Variants in GALNT10 observed in about 807,000 individuals in gnomAD.
GALNT10 encodes the protein polypeptide N-acetylgalactosaminyltransferase 10, also known as GalNAc transferase 10.
A neutral mutation model predicts 75.0 loss-of-function variants in GALNT10; 41 were observed. The ratio of observed to expected loss-of-function variants is 0.55; its 90% CI spans 0.43 to 0.71. GALNT10 has a LOEUF of 0.71. Ranked by LOEUF, GALNT10 falls within the 30% of genes least tolerant of loss-of-function variation. GALNT10 has a pLI of 0.00. For missense variants in GALNT10, 727 were observed against 818.5 expected, an observed-to-expected ratio of 0.89 and a Z score of 1.36; for synonymous variants, 302 against 313.0, an observed-to-expected ratio of 0.96 and a Z score of 0.37.
intron 1 of GALNT10, among the ~76,000 whole-genome samples, chr5:154,214,167 A>AT (rs36116376): frequency 6.6e-6 from 1 of 152,070 alleles, no homozygotes; most frequent in Non-Finnish European, 1.5e-5. Flanking sequence ...TTGGTAAAAC[A>AT]TTTTTGAGAA....
chr5:154,301,889 C>G (rs900957102), intron 3 of GALNT10, among the ~76,000 whole-genome samples: 5 of 152,100 alleles, frequency 3.3e-5, no homozygotes, highest in Admixed American at 1.3e-4. Flanking sequence ...CCTTAGATAC[C>G]TCTGTCACCA....
intron 4 of GALNT10, among the ~76,000 whole-genome samples, chr5:154,351,154 T>G (rs1319093956): frequency 6.6e-6 from 1 of 152,276 alleles, no homozygotes; most frequent in African/African-American, 2.4e-5. Context: ...AATCAATTGA[T>G]GTGCATTACC....
At chr5:154,194,903 G>A (rs142717024) in intron 1 of GALNT10, among the ~76,000 whole-genome samples, 141 of 152,300 alleles carry the variant, frequency 9.3e-4, no homozygotes, top group Admixed American at 2.4e-3. Context: ...ACATCCTGAG[G>A]TTCTGTGAGT....
chr5:154,411,523 T>C (rs1582019999), intron 9 of GALNT10, among the ~76,000 whole-genome samples: 1 of 152,106 alleles, frequency 6.6e-6, no homozygotes, highest in Non-Finnish European at 1.5e-5. Flanking sequence ...AGTAGCCCCA[T>C]GGAAAGTCAG....
chr5:154,298,863 T>C lies in GALNT10; in HGVS notation c.401+784T>C, dbSNP rs1754321344. Among the ~76,000 whole-genome samples the C allele has an allele frequency of 1.3e-5, 2 of 152,178 alleles. No homozygotes were observed. The highest frequency in any genetic ancestry group is 1.3e-4 in the Admixed American group (2 of 15,270). On this transcript the variant is annotated intron_variant, in intron 3 of 11. Coordinates refer to ENST00000297107, the MANE Select transcript of GALNT10 (RefSeq NM_198321.4). The surrounding 1 kb of genome is among the most constrained non-coding windows in gnomAD (Gnocchi z 4.1). Reference sequence around the variant, plus strand: ...TTGGAGGGTTGTTAGACACAGGATATTGAGGCCTCAAAGCTGTTGATTCAG... The same window carrying C: ...TTGGAGGGTTGTTAGACACAGGATACTGAGGCCTCAAAGCTGTTGATTCAG...
chr5:154,356,649 C>T lies in GALNT10; in HGVS notation c.569-19628C>T, dbSNP rs142934444. Among the ~76,000 whole-genome samples the T allele has an allele frequency of 3.3e-5, 5 of 152,310 alleles. No homozygotes were observed. In the East Asian group the frequency reaches 9.6e-4, roughly 29 times the overall value. ...AAAAAATTGTAAAGGATGCCTACTC[C>T]CCCTGAAGGTGGGAGAAGGGAGACC... is the stretch of plus-strand genomic sequence containing the variant. On this transcript the variant is annotated intron_variant, in intron 4 of 11. Coordinates refer to ENST00000297107, the MANE Select transcript of GALNT10 (RefSeq NM_198321.4).
chr5:154,201,354 A>G (rs1561626573), intron 1 of GALNT10, among the ~76,000 whole-genome samples: 1 of 152,202 alleles, frequency 6.6e-6, no homozygotes, highest in African/African-American at 2.4e-5. Context: ...ACCAAAGCCA[A>G]TAAGTTGATG....
chr5:154,386,328 C>T lies in GALNT10; in HGVS notation c.954C>T (p.Ala318=), dbSNP rs146278879. The change falls in exon 7 of 12, where the codon GCC becomes GCT. Residue 318 remains alanine (A), a synonymous_variant. Transcript: ENST00000297107. ...TCTCTGACAGGTCTCCCGTGATGGC[C>T]GGTGGACTGTTCGCCGTGGATCGGA... ...PSDPFESPVM[A]GGLFAVDRKW... 2.8e-5 allele frequency: 45 copies of T among 1,613,600 alleles called. No individual in the cohort carries two copies. The highest frequency in any genetic ancestry group is 3.6e-5 in the Non-Finnish European group (42 of 1,179,724).
intron 3 of GALNT10, among the ~76,000 whole-genome samples, chr5:154,313,256 G>A (rs1464625273): frequency 1.3e-5 from 2 of 151,340 alleles, no homozygotes; most frequent in Non-Finnish European, 2.9e-5. Context: ...GTTGCAGTGA[G>A]TTGAAATCAC....
chr5:154,190,849 C>A lies in GALNT10; in HGVS notation c.-18C>A. On this transcript the variant is annotated 5_prime_UTR_variant, in exon 1 of 12. Transcript: ENST00000297107. Reference sequence around the variant, plus strand: ...GCGCGGCGGGGCCGGCGGGGCGCGGCGGGGCTGACCGGCCCCGATGAGGCG... The same window carrying A: ...GCGCGGCGGGGCCGGCGGGGCGCGGAGGGGCTGACCGGCCCCGATGAGGCG... The A allele has an allele frequency of 8.3e-7, 1 of 1,205,034 alleles. No individual in the cohort carries two copies. The highest frequency in any genetic ancestry group is 1.0e-6 in the Non-Finnish European group (1 of 965,768). The allele number at this position is 1,205,034 out of a possible 1,614,324, so 74.6% of individuals were successfully genotyped here.
intron 4 of GALNT10, among the ~76,000 whole-genome samples, chr5:154,356,887 T>G (rs1400426067): frequency 6.6e-6 from 1 of 152,276 alleles, no homozygotes; most frequent in African/African-American, 2.4e-5. Flanking sequence ...GAGGGTTCAC[T>G]GCACCCAAGA....
chr5:154,222,432 T>A (rs1752995839), intron 1 of GALNT10, among the ~76,000 whole-genome samples: 2 of 152,230 alleles, frequency 1.3e-5, no homozygotes, highest in Admixed American at 1.3e-4. Flanking sequence ...TAAACATTTG[T>A]ATACAAGTCT....
intron 1 of GALNT10, among the ~76,000 whole-genome samples, chr5:154,273,876 T>C (rs1561647034): frequency 6.6e-6 from 1 of 152,232 alleles, no homozygotes; most frequent in Non-Finnish European, 1.5e-5. Flanking sequence ...GCCTAATTAA[T>C]GTATCACAAA....
chr5:154,312,138 A>G (rs1053102299), intron 3 of GALNT10, among the ~76,000 whole-genome samples: 32 of 152,298 alleles, frequency 2.1e-4, no homozygotes, highest in African/African-American at 7.5e-4. Context: ...GTTGGCCTTG[A>G]AAGGGTTTAA....
At chr5:154,415,031 G>A (rs769467204) in intron 10 of GALNT10, among the ~76,000 whole-genome samples, 1 of 152,144 alleles carries the variant, frequency 6.6e-6, no homozygotes, top group Non-Finnish European at 1.5e-5. Context: ...GCTGAGGCAG[G>A]AGAATTGGTT....
Position 154,237,030 on chromosome 5 carries a change from G to A in GALNT10, c.159+46005G>A, listed in dbSNP as rs1015011252. Among the ~76,000 whole-genome samples, 11 of 152,270 alleles carry A rather than the reference G, an allele frequency of 7.2e-5. No individual in the cohort carries two copies. The East Asian group carries it at 7.7e-4, about 11-fold the overall frequency. Reference sequence around the variant, plus strand: ...TTCCATATGGATGCCCTTCACAGCCGTGAGATTGGCAAAGATAGAGCTAGG... The same window carrying A: ...TTCCATATGGATGCCCTTCACAGCCATGAGATTGGCAAAGATAGAGCTAGG... On this transcript the variant is annotated intron_variant, in intron 1 of 11. Transcript: ENST00000297107.
chr5:154,399,911 G>C (rs916319747), intron 7 of GALNT10, among the ~76,000 whole-genome samples: 47 of 152,312 alleles, frequency 3.1e-4, no homozygotes, highest in African/African-American at 1.0e-3. Flanking sequence ...GGGAGGTCAA[G>C]GTGGGAGGAC....
intron 4 of GALNT10, among the ~76,000 whole-genome samples, chr5:154,364,638 A>G (rs1280562958): frequency 6.6e-6 from 1 of 152,190 alleles, no homozygotes; most frequent in Non-Finnish European, 1.5e-5. Context: ...CCTTTAACAA[A>G]TATGAAACTG....
chr5:154,405,091 T>C (rs1756245608), intron 8 of GALNT10, among the ~76,000 whole-genome samples: 1 of 152,122 alleles, frequency 6.6e-6, no homozygotes. Context: ...CCGCACAGCT[T>C]TCCCTCCGGG....
Sources: gnomAD v4.1 joint callset for allele counts (sites outside exome capture counted in the v4.1 genomes callset) on GRCh38, gnomAD v4.1.1 for gene constraint, Gnocchi (gnomAD v3.1) non-coding constraint, MANE v1.5 for transcripts, NCBI Gene and HGNC (gene_info 2026-07-23, HGNC 2026-07-21) for gene names.